Variants in CDK8 observed in about 807,000 individuals in gnomAD.
CDK8 encodes cyclin-dependent kinase 8.
A neutral mutation model predicts 71.5 loss-of-function variants in CDK8; 29 were observed. The ratio of observed to expected loss-of-function variants is 0.41; its 90% CI spans 0.30 to 0.55. The LOEUF is 0.55. Ranked by LOEUF, CDK8 falls within the 20% of genes least tolerant of loss-of-function variation. The pLI is 0.37. For missense variants in CDK8, 288 were observed against 572.6 expected, an observed-to-expected ratio of 0.50 and a Z score of 5.07; for synonymous variants, 161 against 192.1, an observed-to-expected ratio of 0.84 and a Z score of 1.34.
At chr13:26,312,352 C>T (rs61944763) in intron 1 of CDK8, among the ~76,000 whole-genome samples, 2,952 of 152,254 alleles carry the variant, frequency 0.019, 45 homozygotes, top group Non-Finnish European at 0.027. Context: ...TTGTTCTTCA[C>T]GATAAATCTT....
intron 2 of CDK8, among the ~76,000 whole-genome samples, chr13:26,346,398 A>G (rs928650559): frequency 2.6e-5 from 4 of 152,246 alleles, no homozygotes; most frequent in Non-Finnish European, 5.9e-5. Context: ...TAGGTTTCTA[A>G]TAATTGTGGA....
chr13:26,359,485 TAAC>T (rs1874039175), intron 4 of CDK8: 1 of 158,484 alleles, frequency 6.3e-6, no homozygotes, highest in Admixed American at 6.5e-5. Flanking sequence ...CACAGTCAAA[TAAC>T]AAGACATGAT....
At chr13:26,362,474 A>G (rs539021660) in intron 4 of CDK8, among the ~76,000 whole-genome samples, 1 of 152,304 alleles carries the variant, frequency 6.6e-6, no homozygotes, top group South Asian at 2.1e-4. Flanking sequence ...CTGGGGAGCT[A>G]CTGTACAAGT....
At chr13:26,339,727 AT>A (rs1454452106) in intron 2 of CDK8, among the ~76,000 whole-genome samples, 2 of 112,106 alleles carry the variant, frequency 1.8e-5, no homozygotes, top group Non-Finnish European at 3.8e-5. Context: ...TTATTTATTT[AT>A]TTTATTTATA....
In CDK8 at chr13:26,307,156, A is replaced by C. The variant is rs373657781; in HGVS notation, c.129-30411A>C. Among the ~76,000 whole-genome samples the C allele has an allele frequency of 2.0e-4, 31 of 152,256 alleles. No homozygotes were observed. The East Asian group carries it at 4.8e-3, about 24-fold the overall frequency. ...TGTGGTACAGGAGATAAGACACCCC[A>C]CCACCCCCAACCATGTTCTAATCCC... On this transcript the variant is annotated intron_variant, in intron 1 of 12. Coordinates refer to ENST00000381527, the MANE Select transcript of CDK8 (RefSeq NM_001260.3).
intron 1 of CDK8, among the ~76,000 whole-genome samples, chr13:26,317,916 G>C (rs1378163507): frequency 6.6e-6 from 1 of 151,756 alleles, no homozygotes; most frequent in Non-Finnish European, 1.5e-5. Flanking sequence ...GCAAAAGGAA[G>C]GAAATAAAAG....
chr13:26,329,007 T>C (rs2137959528), intron 1 of CDK8, among the ~76,000 whole-genome samples: 1 of 152,356 alleles, frequency 6.6e-6, no homozygotes, highest in Non-Finnish European at 1.5e-5. Flanking sequence ...TTGGCTTTCT[T>C]CACTGTCAAC....
chr13:26,361,726 A>T (rs1435355723), intron 4 of CDK8, among the ~76,000 whole-genome samples: 3 of 138,814 alleles, frequency 2.2e-5, no homozygotes, highest in Non-Finnish European at 4.7e-5. Flanking sequence ...ATAGTTGCTC[A>T]TTTTGGGACT....
intron 1 of CDK8, among the ~76,000 whole-genome samples, chr13:26,268,032 A>G (rs554181588): frequency 6.6e-6 from 1 of 152,256 alleles, no homozygotes; most frequent in East Asian, 1.9e-4. Context: ...GTTTCCTAGG[A>G]ATATCTCTTC....
chr13:26,299,478 G>A (rs1394394191), intron 1 of CDK8, among the ~76,000 whole-genome samples: 2 of 152,172 alleles, frequency 1.3e-5, no homozygotes, highest in East Asian at 3.9e-4. Flanking sequence ...AATCTTGTAG[G>A]CAGTTGTGAT....
At chr13:26,332,377 C>T (rs563455544) in intron 1 of CDK8, among the ~76,000 whole-genome samples, 55 of 151,820 alleles carry the variant, frequency 3.6e-4, no homozygotes, top group African/African-American at 8.0e-4. Flanking sequence ...CACAGCTACT[C>T]GGGAGGCTGA....
intron 1 of CDK8, among the ~76,000 whole-genome samples, chr13:26,274,901 C>T (rs1341240018): frequency 1.3e-5 from 2 of 151,898 alleles, no homozygotes; most frequent in Non-Finnish European, 2.9e-5. Flanking sequence ...CATTATATGC[C>T]TTTTACTTAC....
intron 1 of CDK8, among the ~76,000 whole-genome samples, chr13:26,318,453 C>T (rs147639670): frequency 6.6e-6 from 1 of 152,078 alleles, no homozygotes; most frequent in Non-Finnish European, 1.5e-5. Context: ...CCAGCATTAC[C>T]CCGGTACCAA....
chr13:26,318,592 T>A (rs1213995310), intron 1 of CDK8, among the ~76,000 whole-genome samples: 1 of 152,186 alleles, frequency 6.6e-6, no homozygotes, highest in Non-Finnish European at 1.5e-5. Flanking sequence ...TATGACCAAG[T>A]TATTTTATTT....
intron 4 of CDK8, among the ~76,000 whole-genome samples, chr13:26,381,942 A>G (rs1259225211): frequency 6.6e-6 from 1 of 152,182 alleles, no homozygotes; most frequent in Non-Finnish European, 1.5e-5. Flanking sequence ...CAGTATCCGA[A>G]GAGGTGTTCA....
Position 26,385,066 on chromosome 13 carries a change from A to G in CDK8, c.515-145A>G, listed in dbSNP as rs529458085. 8.3e-4 allele frequency: 532 copies of G among 642,502 alleles called. 6 individuals carry two copies. The highest frequency in any genetic ancestry group is 6.9e-3 in the Middle Eastern group (16 of 2,322). The allele number at this position is 642,502 out of a possible 1,614,324, so 39.8% of individuals were successfully genotyped here. The stretch of plus-strand genomic sequence containing the variant: ...AGCTTTCAAACTTGCTTTATGTAAG[A>G]CTTCTAAAATGGATGTTTTGTGGGT... On this transcript the variant is annotated intron_variant, in intron 5 of 12. Coordinates refer to ENST00000381527, the MANE Select transcript of CDK8 (RefSeq NM_001260.3).
chr13:26,382,604 A>G (rs1875280168), intron 4 of CDK8, among the ~76,000 whole-genome samples: 2 of 152,206 alleles, frequency 1.3e-5, no homozygotes, highest in Admixed American at 1.3e-4. Context: ...TTCTGTGGAG[A>G]AAAGCACTGC....
chr13:26,382,077 CT>C (rs1456975731), intron 4 of CDK8, among the ~76,000 whole-genome samples: 1 of 152,134 alleles, frequency 6.6e-6, no homozygotes, highest in Non-Finnish European at 1.5e-5. Flanking sequence ...TTTCTCTCCC[CT>C]CATCCCCTCC....
chr13:26,299,629 C>T (rs1024974446), intron 1 of CDK8, among the ~76,000 whole-genome samples: 1 of 152,196 alleles, frequency 6.6e-6, no homozygotes, highest in African/African-American at 2.4e-5. Context: ...GCATATCTTG[C>T]CTCTAGCATG....
Sources: allele counts gnomAD v4.1 joint callset (sites outside exome capture counted in the v4.1 genomes callset), GRCh38; gene constraint gnomAD v4.1.1; transcripts MANE v1.5; gene names NCBI Gene and HGNC (gene_info 2026-07-23, HGNC 2026-07-21).